The following LRP1B variants were observed in gnomAD, a reference collection of about 807,000 sequenced individuals.
The protein encoded by LRP1B is LDL receptor related protein 1B.
LRP1B carries 217 observed loss-of-function variants against 556.6 expected under a neutral mutation model. That is an observed-to-expected ratio of 0.39 (90% CI 0.35 to 0.44). LRP1B has a LOEUF of 0.44. Among genes scored for constraint, LRP1B ranks in the 20% least tolerant of loss-of-function variants. The pLI is 1.00. For synonymous variants in LRP1B, 2,047 were observed against 1,865.8 expected, an observed-to-expected ratio of 1.10 and a Z score of -2.50; for missense variants, 5,053 against 5,620.8, an observed-to-expected ratio of 0.90 and a Z score of 3.23.
chr2:141,707,852 A>T (rs77838623), intron 2 of LRP1B, among the ~76,000 whole-genome samples: 3 of 152,108 alleles, frequency 2.0e-5, no homozygotes, highest in Admixed American at 6.6e-5. Context: ...ATCTATTAAG[A>T]CCCAACAACT....
intron 3 of LRP1B, among the ~76,000 whole-genome samples, chr2:141,373,934 T>C (rs978929216): frequency 6.6e-6 from 1 of 152,082 alleles, no homozygotes; most frequent in African/African-American, 2.4e-5. Flanking sequence ...TTTTGTGAGA[T>C]TGTTTTATAA....
chr2:140,386,171 A>G (rs1030000209), intron 66 of LRP1B, among the ~76,000 whole-genome samples, 162 bp from the exon 67 acceptor site: 3 of 152,150 alleles, frequency 2.0e-5, no homozygotes, highest in Non-Finnish European at 2.9e-5. Flanking sequence ...AGGAAAATAT[A>G]TATTTTTTGT....
chr2:141,124,690 A>G (rs1037911448), intron 7 of LRP1B, among the ~76,000 whole-genome samples: 38 of 151,628 alleles, frequency 2.5e-4, no homozygotes, highest in Admixed American at 1.3e-3. Flanking sequence ...AGAAAAAAAT[A>G]CTTTAAAGAG....
chr2:140,598,476 T>C (rs1458714813), intron 43 of LRP1B, among the ~76,000 whole-genome samples, 155 bp downstream of exon 43: 1 of 152,188 alleles, frequency 6.6e-6, no homozygotes, highest in African/African-American at 2.4e-5. Flanking sequence ...CACAATTTTC[T>C]TATGTGTGTG....
At chr2:141,227,634 A>G (rs1005197512) in intron 6 of LRP1B, among the ~76,000 whole-genome samples, 2 of 152,180 alleles carry the variant, frequency 1.3e-5, no homozygotes, top group African/African-American at 4.8e-5. Flanking sequence ...TTGTTTCATT[A>G]AGAGGATCTT....
chr2:141,821,297 G>T lies in LRP1B; in HGVS notation c.83-10896C>A, dbSNP rs370022806. On this transcript the variant is annotated intron_variant, in intron 1 of 90. Transcript: ENST00000389484. ...AACAATTTCCCAGTTTCATGTCACA[G>T]CCAAGACATCACAGGTGTAAGCCTC... is the stretch of plus-strand genomic sequence containing the variant. 4.0e-4 allele frequency among the ~76,000 whole-genome samples: 61 copies of T among 152,316 alleles called. No individual in the cohort carries two copies. In the Middle Eastern group the frequency reaches 0.01, roughly 25 times the overall value.
At chr2:141,285,325 T>C (rs565744271) in intron 3 of LRP1B, among the ~76,000 whole-genome samples, 19 of 151,682 alleles carry the variant, frequency 1.3e-4, no homozygotes, top group Admixed American at 5.3e-4. Flanking sequence ...CTGACCTCGT[T>C]TTCCACCCGC....
chr2:142,057,495 G>T (rs147015066), intron 1 of LRP1B, among the ~76,000 whole-genome samples: 1 of 152,044 alleles, frequency 6.6e-6, no homozygotes, highest in Admixed American at 6.6e-5. Flanking sequence ...ACAGAATGCC[G>T]CTGGGGAAAA....
intron 41 of LRP1B, among the ~76,000 whole-genome samples, chr2:140,691,603 T>C (rs1159232389): frequency 1.3e-5 from 2 of 152,100 alleles, no homozygotes; most frequent in Non-Finnish European, 2.9e-5. Flanking sequence ...GTGGGAATTA[T>C]ATCTCATTGC....
intron 60 of LRP1B, among the ~76,000 whole-genome samples, chr2:140,459,831 G>A (rs776615435): frequency 1.8e-4 from 28 of 152,108 alleles, no homozygotes; most frequent in Middle Eastern, 3.4e-3. Context: ...CTGCTAGTGA[G>A]TGAGTTCTCA....
At chr2:141,340,945 A>C (rs568984648) in intron 3 of LRP1B, among the ~76,000 whole-genome samples, 1 of 133,544 alleles carries the variant, frequency 7.5e-6, no homozygotes, top group Non-Finnish European at 1.6e-5. Context: ...GCAGATAAGT[A>C]TGTATTATTG....
At chr2:141,669,048 CT>C (rs1690562164) in intron 2 of LRP1B, among the ~76,000 whole-genome samples, 1 of 152,086 alleles carries the variant, frequency 6.6e-6, no homozygotes, top group East Asian at 1.9e-4. Context: ...AGTTTGTGTT[CT>C]CCCAAAATTC....
At chr2:141,514,842 T>C (rs1473941487) in intron 2 of LRP1B, among the ~76,000 whole-genome samples, 1 of 152,136 alleles carries the variant, frequency 6.6e-6, no homozygotes. Context: ...ATCCTGAAAG[T>C]AAAAAACACA....
At chr2:141,461,629 A>G (rs1681876199) in intron 3 of LRP1B, among the ~76,000 whole-genome samples, 1 of 152,214 alleles carries the variant, frequency 6.6e-6, no homozygotes, top group Admixed American at 6.5e-5. Flanking sequence ...ATTTATCCAG[A>G]CAGGTAAATA....
At chr2:141,720,437 T>C (rs1295465825) in intron 2 of LRP1B, among the ~76,000 whole-genome samples, 1 of 152,144 alleles carries the variant, frequency 6.6e-6, no homozygotes, top group Non-Finnish European at 1.5e-5. Flanking sequence ...AGTAGTTTAT[T>C]ACTAAGAAAT....
At position 140,619,110 on chromosome 2, in the gene LRP1B, C is replaced by T. The variant is rs1235658576; in HGVS notation, c.6800-17471G>A. On this transcript the variant is annotated intron_variant, in intron 41 of 90. Transcript: ENST00000389484. ...ACACACACACACACACACACACACA[C>T]ACACAACTCTGACTCAAAAGGAGAT... Among the ~76,000 whole-genome samples the T allele has an allele frequency of 3.5e-5, 4 of 114,576 alleles. No individual in the cohort carries two copies. The East Asian group carries it at 1.1e-3, about 31-fold the overall frequency. The allele number at this position is 114,576 out of a possible 152,430, so 75.2% of individuals were successfully genotyped here. A position where few individuals can be genotyped will look rare whatever the true frequency, so the allele number is the denominator to read the frequency against.
intron 60 of LRP1B, among the ~76,000 whole-genome samples, chr2:140,460,006 T>C (rs1006168771): frequency 1.3e-4 from 20 of 152,316 alleles, no homozygotes; most frequent in Admixed American, 1.3e-3. Flanking sequence ...ATTAAACATT[T>C]TTTTCTTTAT....
intron 1 of LRP1B, among the ~76,000 whole-genome samples, chr2:141,830,266 A>G: frequency 6.6e-6 from 1 of 151,842 alleles, no homozygotes; most frequent in East Asian, 1.9e-4. Flanking sequence ...CCCAGTGGCT[A>G]TCTAACATTT....
intron 1 of LRP1B, among the ~76,000 whole-genome samples, chr2:141,877,219 T>C (rs1387182579): frequency 2.0e-5 from 3 of 152,060 alleles, no homozygotes; most frequent in East Asian, 3.9e-4. Flanking sequence ...TATAAAGAAT[T>C]TCCTGAACTT....
Sources: gnomAD v4.1 joint callset for allele counts (sites outside exome capture counted in the v4.1 genomes callset) on GRCh38, gnomAD v4.1.1 for gene constraint, MANE v1.5 for transcripts, NCBI Gene and HGNC (gene_info 2026-07-23, HGNC 2026-07-21) for gene names.